Variants in ADAMTSL1 observed in about 807,000 individuals in gnomAD.
The protein encoded by ADAMTSL1 is ADAMTS-like protein 1.
Under a neutral mutation model 201.8 loss-of-function variants are expected in ADAMTSL1, and 126 were observed. The observed-to-expected ratio is 0.62, with a 90% CI of 0.54 to 0.72. The LOEUF (loss-of-function observed/expected upper bound fraction) is 0.72, where lower values mean the gene tolerates loss of function less well. Ranked by LOEUF, ADAMTSL1 falls within the 30% of genes least tolerant of loss-of-function variation. ADAMTSL1 has a pLI of 0.00. For missense variants in ADAMTSL1, 2,679 were observed against 2,277.8 expected, an observed-to-expected ratio of 1.18 and a Z score of -3.59; for synonymous variants, 1,121 against 903.4, an observed-to-expected ratio of 1.24 and a Z score of -4.32.
At chr9:18,493,205 C>G (rs1587366424) in intron 1 of ADAMTSL1, among the ~76,000 whole-genome samples, 1 of 152,148 alleles carries the variant, frequency 6.6e-6, no homozygotes, top group Non-Finnish European at 1.5e-5. Context: ...GTCCAAAACT[C>G]TGACTTTAAA....
At chr9:17,924,299 C>T (rs1457544808) in intron 1 of ADAMTSL1, among the ~76,000 whole-genome samples, 2 of 152,152 alleles carry the variant, frequency 1.3e-5, no homozygotes, top group African/African-American at 4.8e-5. Flanking sequence ...GCCACAATTT[C>T]AGCTCCCGTT....
chr9:18,032,923 C>T (rs1821034711), intron 1 of ADAMTSL1, among the ~76,000 whole-genome samples: 1 of 152,164 alleles, frequency 6.6e-6, no homozygotes, highest in Non-Finnish European at 1.5e-5. Flanking sequence ...TCTTCAGCTT[C>T]AGTGTCTGCA....
chr9:18,518,945 A>T (rs1818523830), intron 2 of ADAMTSL1, among the ~76,000 whole-genome samples: 1 of 152,140 alleles, frequency 6.6e-6, no homozygotes, highest in African/African-American at 2.4e-5. Flanking sequence ...TAAAAGAGGC[A>T]TGGGTGCTAC....
Position 18,202,007 on chromosome 9 carries a change from G to T in ADAMTSL1, c.207+38026G>T, listed in dbSNP as rs556721224. Among the ~76,000 whole-genome samples, 24 of 152,184 alleles carry T rather than the reference G, an allele frequency of 1.6e-4. No individual in the cohort carries two copies. In the South Asian group the frequency reaches 4.8e-3, roughly 30 times the overall value. On this transcript the variant is annotated intron_variant, in intron 2 of 29. Transcript: ENST00000680146. Reference sequence around the variant, plus strand: ...TTTCTAAATACACTATTTTATAAGAGAATAATTCAATATGATTTGCTGTTA... The same window carrying T: ...TTTCTAAATACACTATTTTATAAGATAATAATTCAATATGATTTGCTGTTA...
In ADAMTSL1 at chr9:18,315,671, C is replaced by A. The variant is rs556585872; in HGVS notation, c.207+151690C>A. Among the ~76,000 whole-genome samples the A allele has an allele frequency of 7.2e-5, 11 of 152,264 alleles. No homozygotes were observed. The South Asian group carries it at 2.3e-3, about 32-fold the overall frequency. The stretch of plus-strand genomic sequence containing the variant: ...CCCACCTGGAACTCGCGCTGGCCCA[C>A]GAGCTCTGTTTGCAGCCCCAGTTCC... On this transcript the variant is annotated intron_variant, in intron 2 of 29. Transcript: ENST00000680146.
chr9:18,459,903 A>G (rs1347274192), intron 2 of ADAMTSL1, among the ~76,000 whole-genome samples: 2 of 152,206 alleles, frequency 1.3e-5, no homozygotes, highest in African/African-American at 2.4e-5. Flanking sequence ...AGAGAAGGAT[A>G]AAAGGAAAGT....
At chr9:18,581,972 CTGTCAG>C (rs1193981926) in intron 4 of ADAMTSL1, among the ~76,000 whole-genome samples, 1 of 152,200 alleles carries the variant, frequency 6.6e-6, no homozygotes, top group African/African-American at 2.4e-5. Flanking sequence ...TTATTCTAGG[CTGTCAG>C]TATTTCTGCT....
At chr9:18,524,801 A>T (rs1374815099) in intron 2 of ADAMTSL1, among the ~76,000 whole-genome samples, 10 of 152,184 alleles carry the variant, frequency 6.6e-5, no homozygotes, top group Non-Finnish European at 1.2e-4. Flanking sequence ...CCACTTGATC[A>T]TGGTGGACAA....
At chr9:18,139,888 A>G (rs1253683282) in intron 1 of ADAMTSL1, among the ~76,000 whole-genome samples, 2 of 152,148 alleles carry the variant, frequency 1.3e-5, no homozygotes, top group Non-Finnish European at 2.9e-5. Flanking sequence ...TCAGCCAGTC[A>G]CCAAAGCTCA....
chr9:18,897,273 T>A (rs796852563), intron 26 of ADAMTSL1, among the ~76,000 whole-genome samples: 3 of 152,332 alleles, frequency 2.0e-5, no homozygotes, highest in African/African-American at 7.2e-5. Context: ...GCCCTTGAGT[T>A]ACTCAGCCTT....
In ADAMTSL1 at chr9:18,692,388, C is replaced by A. The variant is rs574925058; in HGVS notation, c.1574+7588C>A. 1.2e-3 allele frequency among the ~76,000 whole-genome samples: 184 copies of A among 152,008 alleles called. 1 individual carries two copies. The highest frequency in any genetic ancestry group is 4.3e-3 in the African/African-American group (177 of 41,488). ...TTGTAGTCATTCCTTGATTGCAAAC[C>A]AAGAAGTTCTAAATTTATCAGTCCC... On this transcript the variant is annotated intron_variant, in intron 13 of 28. Transcript: ENST00000380548.
chr9:18,135,627 T>TA (rs978576501), intron 1 of ADAMTSL1, among the ~76,000 whole-genome samples: 2 of 152,022 alleles, frequency 1.3e-5, no homozygotes, highest in African/African-American at 2.4e-5. Flanking sequence ...AACCCTGCTT[T>TA]AAAAAAAATA....
At chr9:18,723,907 G>T (rs534818337) in intron 15 of ADAMTSL1, 4 of 152,314 alleles carry the variant, frequency 2.6e-5, no homozygotes, top group Admixed American at 1.3e-4. Flanking sequence ...AATAAAATGT[G>T]TTTGGTAGGA....
At chr9:18,115,094 A>T (rs1449154774) in intron 1 of ADAMTSL1, among the ~76,000 whole-genome samples, 1 of 152,194 alleles carries the variant, frequency 6.6e-6, no homozygotes, top group Admixed American at 6.5e-5. Flanking sequence ...TACATCGGTC[A>T]GCTGAAATTG....
intron 14 of ADAMTSL1, among the ~76,000 whole-genome samples, chr9:18,708,802 A>G (rs918443171): frequency 1.3e-5 from 2 of 152,242 alleles, no homozygotes; most frequent in Non-Finnish European, 2.9e-5. Context: ...TTATGAACAG[A>G]TGGAAAAAAT....
chr9:18,007,702 A>G (rs191684578), intron 1 of ADAMTSL1, among the ~76,000 whole-genome samples: 2 of 152,076 alleles, frequency 1.3e-5, no homozygotes, highest in African/African-American at 4.8e-5. Context: ...CACAGAAGTG[A>G]AGGGGGAAGC....
At chr9:18,236,145 A>G (rs1185168393) in intron 2 of ADAMTSL1, among the ~76,000 whole-genome samples, 2 of 152,190 alleles carry the variant, frequency 1.3e-5, no homozygotes, top group Non-Finnish European at 2.9e-5. Flanking sequence ...ATCTCAGCTC[A>G]CTGCAACCTC....
At chr9:18,680,130 A>G (rs1184353220) in intron 10 of ADAMTSL1, among the ~76,000 whole-genome samples, 182 bp from the exon 11 acceptor site, 2 of 152,182 alleles carry the variant, frequency 1.3e-5, no homozygotes, top group Admixed American at 1.3e-4. Flanking sequence ...CCCTTTTGCC[A>G]ATGTTGAATC....
In ADAMTSL1 at chr9:18,777,253, G is replaced by A. The variant is rs1264442007; in HGVS notation, c.3024G>A (p.Ala1008=). 1.8e-5 allele frequency: 29 copies of A among 1,611,712 alleles called. No homozygotes were observed. Among genetic ancestry groups the A allele is most frequent in the Non-Finnish European group, 2.5e-5 (29 of 1,179,464 alleles). ...GGATCTTCTCCAACGGCAGCAAGGC[G>A]GAGAAGCGGGGCCTGGCCGCCAACC... The part of the protein sequence containing the change: ...QNGIFSNGSK[A]EKRGLAANPG... Residue 1008 remains alanine (A), a synonymous_variant, in exon 19 of 29, where the codon GCG becomes GCA. Coordinates refer to ENST00000380548, the MANE Select transcript of ADAMTSL1 (RefSeq NM_001040272.6).
Sources: gnomAD v4.1 joint callset for allele counts (sites outside exome capture counted in the v4.1 genomes callset) on GRCh38, gnomAD v4.1.1 for gene constraint, MANE v1.5 for transcripts, NCBI Gene and HGNC (gene_info 2026-07-23, HGNC 2026-07-21) for gene names.